Variants in AFF2 observed in about 807,000 individuals in gnomAD.
AFF2 encodes the protein ALF transcription elongation factor 2.
A neutral mutation model predicts 76.9 loss-of-function variants in AFF2; 14 were observed. The observed-to-expected ratio is 0.18, with a 90% CI of 0.12 to 0.28. AFF2 has a LOEUF of 0.28. AFF2 is among the 10% of genes least tolerant of loss of function. The probability of loss-of-function intolerance (pLI) is 1.00; values close to 1 mark genes in which losing one functional copy is unlikely to be tolerated. For synonymous variants in AFF2, 398 were observed against 366.7 expected (o/e 1.09, Z -0.98); for missense variants, 868 against 1,001.1 (o/e 0.87, Z 1.79).
At chrX:148,821,357 T>C (rs1187560451) in intron 4 of AFF2, among the ~76,000 whole-genome samples, 1 of 110,820 alleles carries the variant, frequency 9.0e-6, no homozygotes, top group Non-Finnish European at 1.9e-5. Context: ...GAGGTCTTTG[T>C]CACTGAAAGT....
At position 148,838,181 on chromosome X, in the gene AFF2, T is replaced by A. The variant is rs1259809342; in HGVS notation, c.1173+448T>A. 2.7e-5 allele frequency among the ~76,000 whole-genome samples: 3 copies of A among 112,583 alleles called. No homozygotes were observed. The Admixed American group carries it at 2.8e-4, about 11-fold the overall frequency. ...ACATCACACTGACAGAGCTTTATCT[T>A]CTACAGTTCTATTGTCAAATGTTTA... On this transcript the variant is annotated intron_variant, in intron 5 of 20. Transcript: ENST00000370460.
chrX:148,517,235 A>T (rs2052545780), intron 1 of AFF2, among the ~76,000 whole-genome samples: 1 of 111,837 alleles, frequency 8.9e-6, no homozygotes, highest in Non-Finnish European at 1.9e-5. Flanking sequence ...GGTGGCAGAG[A>T]TTGTGGCACT....
chrX:148,707,495 A>T lies in AFF2; in HGVS notation c.1041+44727A>T, dbSNP rs112765782. Among the ~76,000 whole-genome samples the T allele has an allele frequency of 2.2e-3, 243 of 109,315 alleles. 2 individuals carry two copies. The highest frequency in any genetic ancestry group is 7.3e-3 in the African/African-American group (220 of 30,079). 94.9% of individuals were successfully genotyped at this position (109,315 alleles called of 115,157 possible). A position where few individuals can be genotyped will look rare whatever the true frequency, so the allele number is the denominator to read the frequency against. On this transcript the variant is annotated intron_variant, in intron 3 of 20. Transcript: ENST00000370460. Reference sequence around the variant, plus strand: ...CTATAGAACTGAAAATAATATATATATTTTTTTTCCTTTTTTTTTGTCATT... The same window carrying T: ...CTATAGAACTGAAAATAATATATATTTTTTTTTTCCTTTTTTTTTGTCATT...
chrX:148,542,718 C>CA (rs2052873504), intron 1 of AFF2, among the ~76,000 whole-genome samples: 1 of 111,355 alleles, frequency 9.0e-6, no homozygotes, highest in Non-Finnish European at 1.9e-5. Context: ...GGAACTGAAA[C>CA]AAAGATTATT....
chrX:148,534,601 C>A (rs190544032), intron 1 of AFF2, among the ~76,000 whole-genome samples: 222 of 112,018 alleles, frequency 2.0e-3, no homozygotes, highest in Non-Finnish European at 3.4e-3. Flanking sequence ...ATAACACTAT[C>A]CACCTCATAA....
chrX:148,501,253 C>T, intron 1 of AFF2, 109 bp downstream of exon 1: 1 of 978,588 alleles, frequency 1.0e-6, no homozygotes. Flanking sequence ...GCGCCCCGGA[C>T]TCCCTCCCAC....
chrX:148,660,725 A>G lies in AFF2; in HGVS notation c.181-1183A>G, dbSNP rs781854475. On this transcript the variant is annotated intron_variant, in intron 2 of 20. Transcript: ENST00000370460. ...GCCCAGTTGCCAGATGGCTCCTTGA[A>G]TACTGGTAGCCTTCTATCATTGCAA... is the stretch of plus-strand genomic sequence containing the variant. Among the ~76,000 whole-genome samples, 6 of 112,371 alleles carry G rather than the reference A, an allele frequency of 5.3e-5. No homozygotes were observed. The East Asian group carries it at 8.4e-4, about 16-fold the overall frequency.
At chrX:148,966,692 TGCCTTC>T in intron 13 of AFF2, 92 bp from the exon 14 acceptor site, 1 of 882,297 alleles carries the variant, frequency 1.1e-6, no homozygotes, top group Non-Finnish European at 1.5e-6. Context: ...TTTTTTTTTT[TGCCTTC>T]TTTCGTAACG....
At chrX:148,978,591 C>A (rs2072354935) in intron 18 of AFF2, 136 bp downstream of exon 18, 3 of 450,149 alleles carry the variant, frequency 6.7e-6, no homozygotes, top group Middle Eastern at 5.6e-4. Flanking sequence ...CCGTCCTACC[C>A]TTCCTTAAGG....
intron 7 of AFF2, among the ~76,000 whole-genome samples, chrX:148,874,040 G>T: frequency 9.0e-6 from 1 of 111,571 alleles, no homozygotes; most frequent in East Asian, 2.8e-4. Flanking sequence ...TATCAAGAAG[G>T]TGAGTCTATG....
chrX:148,974,977 C>A (rs1348367175), intron 16 of AFF2, among the ~76,000 whole-genome samples: 3 of 112,032 alleles, frequency 2.7e-5, no homozygotes, highest in Non-Finnish European at 5.6e-5. Context: ...AACACAGGGA[C>A]AATTCATGCT....
intron 19 of AFF2, among the ~76,000 whole-genome samples, chrX:148,985,347 G>GT (rs199696739): frequency 4.2e-3 from 330 of 79,399 alleles, no homozygotes; most frequent in African/African-American, 0.015. Context: ...TGACTCCCAG[G>GT]CTGGAGCACA....
rs1178053250 is a variant in AFF2 at position 148,891,122 on chromosome X, A to G, written c.1359+5137A>G. On this transcript the variant is annotated intron_variant, in intron 8 of 20. Coordinates refer to ENST00000370460, the MANE Select transcript of AFF2 (RefSeq NM_002025.4). ...CCCATGAAACACTTATTGAATTTCC[A>G]TTTTCAAGCCAGTCCTCCAGGGTAG... Among the ~76,000 whole-genome samples, 5 of 111,092 alleles carry G rather than the reference A, an allele frequency of 4.5e-5. No homozygotes were observed. In the East Asian group the frequency reaches 1.4e-3, roughly 32 times the overall value.
chrX:148,924,092 C>G (rs923282177), intron 9 of AFF2, among the ~76,000 whole-genome samples: 1 of 111,902 alleles, frequency 8.9e-6, no homozygotes, highest in Admixed American at 9.5e-5. Context: ...GAAATGATCA[C>G]CAGATTTTTA....
At chrX:148,887,624 A>T (rs1360187096) in intron 8 of AFF2, among the ~76,000 whole-genome samples, 1 of 111,819 alleles carries the variant, frequency 8.9e-6, no homozygotes, top group Admixed American at 9.5e-5. Flanking sequence ...ATATTCACTG[A>T]CTTTTTGTAA....
intron 7 of AFF2, among the ~76,000 whole-genome samples, chrX:148,882,359 TCA>T (rs1347368655): frequency 8.9e-6 from 1 of 111,868 alleles, no homozygotes; most frequent in Non-Finnish European, 1.9e-5. Context: ...GGTTTTTTGT[TCA>T]CAGTTTTATA....
rs938530274 is a variant in AFF2, at chrX:148,965,309, C to A, written c.2914-1481C>A. Among the ~76,000 whole-genome samples the A allele has an allele frequency of 5.4e-5, 6 of 112,026 alleles. No homozygotes were observed. In the South Asian group the frequency reaches 2.2e-3, roughly 42 times the overall value. ...AATAGGAGTAATTAACTGCAATTAA[C>A]TGGTAATGTTGAGGGAGAAAAATTA... On this transcript the variant is annotated intron_variant, in intron 13 of 20. Coordinates refer to ENST00000370460, the MANE Select transcript of AFF2 (RefSeq NM_002025.4).
intron 16 of AFF2, among the ~76,000 whole-genome samples, chrX:148,977,663 G>A (rs181434662): frequency 1.1e-3 from 117 of 103,015 alleles, no homozygotes; most frequent in African/African-American, 4.2e-3. Flanking sequence ...ACACACTCAC[G>A]GTAATTCCAC....
chrX:148,542,159 G>T (rs550200760), intron 1 of AFF2, among the ~76,000 whole-genome samples: 1 of 109,698 alleles, frequency 9.1e-6, no homozygotes, highest in African/African-American at 3.3e-5. Context: ...ATGGCGGTGT[G>T]CTCTGTGCAA....
Sources: allele counts gnomAD v4.1 joint callset (sites outside exome capture counted in the v4.1 genomes callset), GRCh38; gene constraint gnomAD v4.1.1; transcripts MANE v1.5; gene names NCBI Gene and HGNC (gene_info 2026-07-23, HGNC 2026-07-21).